ANO10: variants seen among roughly 807,000 people sequenced by gnomAD.
ANO10 encodes anoctamin-10.
ANO10 carries 77 observed loss-of-function variants against 74.7 expected under a neutral mutation model. The observed-to-expected ratio is 1.03, with a 90% CI of 0.86 to 1.25. The LOEUF (loss-of-function observed/expected upper bound fraction) is 1.25. Ranked by LOEUF, ANO10 falls within the 50% of genes most tolerant of loss-of-function variation. ANO10 has a pLI of 0.00. For missense variants in ANO10, 721 were observed against 778.1 expected, an observed-to-expected ratio of 0.93 and a Z score of 0.87; for synonymous variants, 279 against 284.9, an observed-to-expected ratio of 0.98 and a Z score of 0.21.
chr3:43,515,217 T>A (rs2077660477), intron 11 of ANO10, among the ~76,000 whole-genome samples: 1 of 152,200 alleles, frequency 6.6e-6, no homozygotes, highest in Admixed American at 6.6e-5. Flanking sequence ...TTTCTGGCTG[T>A]GTCTATGAGG....
chr3:43,420,391 T>G (rs1368747804), intron 12 of ANO10, among the ~76,000 whole-genome samples: 1 of 151,894 alleles, frequency 6.6e-6, no homozygotes, highest in African/African-American at 2.4e-5. Context: ...GGTTGCAGGT[T>G]GCAGTGAGCT....
At chr3:43,643,372 T>C (rs1575576280) in intron 1 of ANO10, among the ~76,000 whole-genome samples, 1 of 151,826 alleles carries the variant, frequency 6.6e-6, no homozygotes, top group South Asian at 2.1e-4. Flanking sequence ...ACGAGATTGC[T>C]GGGTGAAAGG....
chr3:43,532,477 C>T (rs867483247), intron 11 of ANO10, among the ~76,000 whole-genome samples: 36 of 152,184 alleles, frequency 2.4e-4, no homozygotes, highest in African/African-American at 8.0e-4. Context: ...TACAACTGTT[C>T]ATCCAGTATA....
chr3:43,470,406 T>C (rs1302709137), intron 11 of ANO10, among the ~76,000 whole-genome samples: 1 of 152,146 alleles, frequency 6.6e-6, no homozygotes, highest in African/African-American at 2.4e-5. Flanking sequence ...CAGGCTGGAG[T>C]GCAGTGGCGC....
At chr3:43,685,194 A>G (rs1308211161) in intron 1 of ANO10, among the ~76,000 whole-genome samples, 1 of 152,188 alleles carries the variant, frequency 6.6e-6, no homozygotes, top group African/African-American at 2.4e-5. Flanking sequence ...TAAGATCTCT[A>G]GTGACATCTT....
At chr3:43,670,149 T>G (rs1350912715) in intron 1 of ANO10, among the ~76,000 whole-genome samples, 3 of 151,998 alleles carry the variant, frequency 2.0e-5, no homozygotes, top group African/African-American at 7.2e-5. Flanking sequence ...GCTCAGGAGT[T>G]CGTGACAAGC....
intron 1 of ANO10, among the ~76,000 whole-genome samples, chr3:43,636,032 CA>C (rs569877261): frequency 2.0e-5 from 3 of 150,730 alleles, no homozygotes; most frequent in East Asian, 1.9e-4. Flanking sequence ...CAAAAAAAAA[CA>C]AAAAAAACCC....
intron 4 of ANO10, among the ~76,000 whole-genome samples, chr3:43,596,748 C>A (rs573577077): frequency 4.7e-4 from 71 of 152,170 alleles, no homozygotes; most frequent in African/African-American, 1.2e-3. Context: ...GCAACAAAAG[C>A]CAAAATTGAC....
At chr3:43,578,749 CAAAAAAAAAAAAAAA>C (rs56186109) in intron 5 of ANO10, among the ~76,000 whole-genome samples, 2,099 of 64,520 alleles carry the variant, frequency 0.033, 87 homozygotes, top group Middle Eastern at 0.091. Context: ...GACTCCATCT[CAAAAAAAAAAAAAAA>C]AAAAAAAAAA....
chr3:43,506,288 A>C (rs556521827), intron 11 of ANO10, among the ~76,000 whole-genome samples: 2 of 152,160 alleles, frequency 1.3e-5, no homozygotes, highest in African/African-American at 4.8e-5. Flanking sequence ...GTATTATCAA[A>C]TCCTTTATTT....
intron 1 of ANO10, among the ~76,000 whole-genome samples, chr3:43,632,434 G>A (rs2149559497): frequency 6.6e-6 from 1 of 152,382 alleles, no homozygotes; most frequent in East Asian, 1.9e-4. Context: ...CATAGCTCTA[G>A]TCAGGCAGCC....
intron 11 of ANO10, among the ~76,000 whole-genome samples, chr3:43,522,056 A>G (rs1242030806): frequency 6.6e-6 from 1 of 152,188 alleles, no homozygotes; most frequent in Non-Finnish European, 1.5e-5. Context: ...GGACAAATAA[A>G]TGTATTATTT....
intron 1 of ANO10, among the ~76,000 whole-genome samples, chr3:43,679,275 G>A (rs138186154): frequency 0.021 from 3,270 of 152,284 alleles, 69 homozygotes; most frequent in African/African-American, 0.053. Flanking sequence ...CTTAGCAAAC[G>A]GCACACCAGG....
rs145622135 is a variant in ANO10, at chr3:43,533,373, A to G, written c.1797+16347T>C. ...AATTTGTAGGCCAAAAAGTATACTT[A>G]TATCACATGTAAGTTTTATGCAGCT... On this transcript the variant is annotated intron_variant, in intron 11 of 12. Transcript: ENST00000292246. Among the ~76,000 whole-genome samples the G allele has an allele frequency of 4.7e-3, 719 of 152,346 alleles. 5 individuals carry two copies. Among genetic ancestry groups the G allele is most frequent in the African/African-American group, 0.017 (691 of 41,576 alleles).
intron 1 of ANO10, among the ~76,000 whole-genome samples, chr3:43,678,874 A>G (rs2084157651): frequency 6.6e-6 from 1 of 152,198 alleles, no homozygotes; most frequent in Non-Finnish European, 1.5e-5. Context: ...AAAAAAGGAG[A>G]TATTAAGCTA....
chr3:43,551,703 G>T, intron 10 of ANO10: 1 of 338,162 alleles, frequency 3.0e-6, no homozygotes, highest in Admixed American at 3.8e-5. Context: ...GTCCTCTCTG[G>T]CAATTTTTGC....
intron 3 of ANO10, 75 bp from the exon 4 acceptor site, chr3:43,598,741 A>G (rs1183208644): frequency 1.6e-6 from 2 of 1,212,952 alleles, no homozygotes; most frequent in Non-Finnish European, 2.3e-6. Flanking sequence ...AGATTACAGA[A>G]ATAATGGTAT....
intron 12 of ANO10, among the ~76,000 whole-genome samples, chr3:43,408,377 T>G (rs2092612136): frequency 6.6e-6 from 1 of 152,230 alleles, no homozygotes; most frequent in Non-Finnish European, 1.5e-5. Flanking sequence ...TTTCTGAAAT[T>G]TTTAAAGTAC....
rs538929389 is a variant in ANO10 at position 43,650,582 on chromosome 3, T to A, written c.-12+40935A>T. Among the ~76,000 whole-genome samples the A allele has an allele frequency of 5.3e-5, 8 of 152,178 alleles. No individual in the cohort carries two copies. In the South Asian group the frequency reaches 1.7e-3, roughly 32 times the overall value. ...TTTGCATAAGTTAGAAAAAACAACTTCAATAAAAAGCAAGACTATTACCAA... is the reference window on the plus strand; with the variant it reads ...TTTGCATAAGTTAGAAAAAACAACTACAATAAAAAGCAAGACTATTACCAA... On this transcript the variant is annotated intron_variant, in intron 1 of 3. Coordinates refer to the ANO10 transcript ENST00000413397.
Sources: gnomAD v4.1 joint callset for allele counts (sites outside exome capture counted in the v4.1 genomes callset) on GRCh38, gnomAD v4.1.1 for gene constraint, MANE v1.5 for transcripts, NCBI Gene and HGNC (gene_info 2026-07-23, HGNC 2026-07-21) for gene names.